The following ZCCHC14 variants were observed in gnomAD, a reference collection of about 807,000 sequenced individuals.
The protein encoded by ZCCHC14 is zinc finger CCHC domain-containing protein 14.
ZCCHC14 carries 16 observed loss-of-function variants against 85.0 expected under a neutral mutation model. The ratio of observed to expected loss-of-function variants is 0.19; its 90% CI spans 0.13 to 0.29. ZCCHC14 has a LOEUF of 0.29. Ranked by LOEUF, ZCCHC14 falls within the 10% of genes least tolerant of loss-of-function variation. The pLI is 1.00. For synonymous variants in ZCCHC14, 775 were observed against 630.7 expected, an observed-to-expected ratio of 1.23 and a Z score of -3.43; for missense variants, 1,303 against 1,443.5, an observed-to-expected ratio of 0.90 and a Z score of 1.58.
chr16:87,415,461 C>T, intron 8 of ZCCHC14, 94 bp from the exon 9 acceptor site: 2 of 1,081,904 alleles, frequency 1.8e-6, no homozygotes, highest in Non-Finnish European at 1.4e-6. Context: ...ATTTATTCTG[C>T]CTCTGGGATA....
intron 1 of ZCCHC14, among the ~76,000 whole-genome samples, chr16:87,469,514 C>T (rs1212991873): frequency 6.6e-6 from 1 of 152,236 alleles, no homozygotes; most frequent in African/African-American, 2.4e-5. Context: ...TGGGTCCACA[C>T]AGGGCAGCCC....
chr16:87,446,138 A>T (rs555344170), intron 2 of ZCCHC14, among the ~76,000 whole-genome samples: 2 of 149,350 alleles, frequency 1.3e-5, no homozygotes, highest in East Asian at 4.0e-4. Flanking sequence ...TTGCACTCCA[A>T]CCTGGGCAAC....
intron 1 of ZCCHC14, among the ~76,000 whole-genome samples, chr16:87,479,744 C>G (rs999261437): frequency 6.6e-6 from 1 of 152,138 alleles, no homozygotes. Context: ...ATGAACTCAT[C>G]CACATACATG....
intron 3 of ZCCHC14, among the ~76,000 whole-genome samples, chr16:87,424,910 G>A (rs1438488484): frequency 1.3e-5 from 2 of 152,110 alleles, no homozygotes; most frequent in East Asian, 3.9e-4. Flanking sequence ...CAAATAAAAT[G>A]ACCAAATACA....
rs777265197 is a variant in ZCCHC14 at position 87,411,829 on chromosome 16, G to A, written c.2892C>T (p.Phe964=). Residue 964 remains phenylalanine, a synonymous_variant, in exon 12 of 13, where the codon TTC becomes TTT. Coordinates refer to ENST00000671377, the MANE Select transcript of ZCCHC14 (RefSeq NM_015144.3). ...CGTAGCCGCTGCTGCACATGGGACTGAAGGGCAAGAAGGGGAAGGTGAACA... is the reference window on the plus strand; with the variant it reads ...CGTAGCCGCTGCTGCACATGGGACTAAAGGGCAAGAAGGGGAAGGTGAACA... The part of the protein sequence containing the change: ...PSVFTFPFLP[F]SPMCSSGYVS... The A allele has an allele frequency of 6.2e-7, 1 of 1,610,772 alleles. No homozygotes were observed. Among genetic ancestry groups the A allele is most frequent in the Non-Finnish European group, 8.5e-7 (1 of 1,178,752 alleles).
chr16:87,474,831 T>C (rs1911929484), intron 1 of ZCCHC14, among the ~76,000 whole-genome samples: 1 of 152,206 alleles, frequency 6.6e-6, no homozygotes, highest in South Asian at 2.1e-4. Context: ...GTGTGAGCCC[T>C]GCAACAGGCA....
intron 8 of ZCCHC14, 140 bp from the exon 9 acceptor site, chr16:87,415,507 C>T (rs1597399666): frequency 5.7e-6 from 4 of 700,066 alleles, no homozygotes; most frequent in South Asian, 1.8e-5. Context: ...CAATTACAAG[C>T]TGGGAAATCC....
Position 87,412,080 on chromosome 16 carries a change from A to G in ZCCHC14, c.2641T>C (p.Tyr881His), listed in dbSNP as rs1908484132. 1 of 1,612,510 alleles carries G rather than the reference A, an allele frequency of 6.2e-7. No homozygotes were observed. The highest frequency in any genetic ancestry group is 1.3e-5 in the African/African-American group (1 of 74,928). Reference sequence around the variant, plus strand: ...GAGCCGCCACCGCCACTGCTGCTATAGAAACTGCTTTCAGGGACGGAGGAC... The same window carrying G: ...GAGCCGCCACCGCCACTGCTGCTATGGAAACTGCTTTCAGGGACGGAGGAC... The part of the protein sequence containing the change: ...ALSSVPESSF[Y>H]SSSGGGGSTG... Residue 881 changes from tyrosine to histidine, a missense_variant, in exon 12 of 13, where the codon TAT becomes CAT. Tyr to His is a moderately conservative substitution (Grantham distance 83, BLOSUM62 2). Coordinates refer to ENST00000671377, the MANE Select transcript of ZCCHC14 (RefSeq NM_015144.3).
At chr16:87,469,712 A>C (rs1911693908) in intron 1 of ZCCHC14, among the ~76,000 whole-genome samples, 1 of 152,080 alleles carries the variant, frequency 6.6e-6, no homozygotes. Context: ...TGTCACAGAG[A>C]CTCGGAGCTC....
rs1256301302 is a variant in ZCCHC14, at chr16:87,406,361, CAG to C, written c.*3917_*3918del. The C allele has an allele frequency of 6.6e-6, 1 of 152,524 alleles. No individual in the cohort carries two copies. The highest frequency in any genetic ancestry group is 2.4e-5 in the African/African-American group (1 of 41,420). 9.4% of individuals were successfully genotyped at this position (152,524 alleles called of 1,614,324 possible). ...TAATAAAACATAAAAACCCCAAAAA[CAG>C]AATACTTGACATTTACAATTCAAAA... On this transcript the variant is annotated 3_prime_UTR_variant, in exon 13 of 13. Coordinates refer to ENST00000671377, the MANE Select transcript of ZCCHC14 (RefSeq NM_015144.3).
At chr16:87,425,562 G>A (rs925732788) in intron 3 of ZCCHC14, among the ~76,000 whole-genome samples, 3 of 150,668 alleles carry the variant, frequency 2.0e-5, no homozygotes, top group African/African-American at 4.9e-5. Flanking sequence ...GGCAACAAGA[G>A]CGAAACTCTA....
In ZCCHC14 at chr16:87,491,120, G is replaced by A. The variant is rs563724584; in HGVS notation, c.570+549C>T. Among the ~76,000 whole-genome samples the A allele has an allele frequency of 7.1e-4, 108 of 152,376 alleles. No individual in the cohort carries two copies. The highest frequency in any genetic ancestry group is 1.4e-3 in the Non-Finnish European group (97 of 68,038). ...TGTCACCCAAGGGCCCCATTAAGGG[G>A]ACAAAGGCCTTATCGCGTTTGCAGC... On this transcript the variant is annotated intron_variant, in intron 1 of 12. Coordinates refer to ENST00000671377, the MANE Select transcript of ZCCHC14 (RefSeq NM_015144.3). The surrounding 1 kb of genome is among the most constrained non-coding windows in gnomAD (Gnocchi z 5.9).
chr16:87,414,220 A>G (rs1908650158), intron 10 of ZCCHC14, among the ~76,000 whole-genome samples, 194 bp downstream of exon 10: 1 of 151,164 alleles, frequency 6.6e-6, no homozygotes, highest in Non-Finnish European at 1.5e-5. Flanking sequence ...GTGTACGAGT[A>G]ACCCACCTGC....
At chr16:87,487,251 C>T (rs1206598257) in intron 1 of ZCCHC14, among the ~76,000 whole-genome samples, 1 of 152,200 alleles carries the variant, frequency 6.6e-6, no homozygotes, top group Non-Finnish European at 1.5e-5. Context: ...AAGACCACCA[C>T]CCCACCACAC....
chr16:87,485,582 C>T (rs1345493295), intron 1 of ZCCHC14, among the ~76,000 whole-genome samples: 2 of 112,776 alleles, frequency 1.8e-5, no homozygotes, highest in Non-Finnish European at 3.2e-5. Context: ...TTCCAACGGG[C>T]AGTTTTCCAA....
At chr16:87,422,423 A>G (rs995775640) in intron 4 of ZCCHC14, among the ~76,000 whole-genome samples, 4 of 152,104 alleles carry the variant, frequency 2.6e-5, no homozygotes, top group Admixed American at 2.0e-4. Context: ...GAGAAAATGG[A>G]TAAGAATTTT....
intron 1 of ZCCHC14, among the ~76,000 whole-genome samples, chr16:87,466,293 G>C (rs1911516502): frequency 6.6e-6 from 1 of 152,170 alleles, no homozygotes; most frequent in Non-Finnish European, 1.5e-5. Flanking sequence ...TTTCCTGAAA[G>C]CTCTTCCAAA....
chr16:87,478,797 G>A (rs111759625), intron 1 of ZCCHC14, among the ~76,000 whole-genome samples: 1 of 151,732 alleles, frequency 6.6e-6, no homozygotes, highest in South Asian at 2.1e-4. Context: ...AGTAGAGATG[G>A]GGTTTTACCA....
At chr16:87,471,664 G>C (rs1474045693) in intron 1 of ZCCHC14, 3 of 152,232 alleles carry the variant, frequency 2.0e-5, no homozygotes, top group Non-Finnish European at 4.4e-5. Flanking sequence ...CTCTGGGGTA[G>C]GGCTTCCCTA....
Sources: gnomAD v4.1 joint callset for allele counts (sites outside exome capture counted in the v4.1 genomes callset) on GRCh38, gnomAD v4.1.1 for gene constraint, Gnocchi (gnomAD v3.1) non-coding constraint, MANE v1.5 for transcripts, NCBI Gene and HGNC (gene_info 2026-07-23, HGNC 2026-07-21) for gene names.